The following MGAT4C variants were observed in gnomAD, a reference collection of about 807,000 sequenced individuals.
The protein encoded by MGAT4C is alpha-1,3-mannosyl-glycoprotein 4-beta-N-acetylglucosaminyltransferase C.
In MGAT4C, 19 loss-of-function variants were observed where a neutral mutation model predicts 40.1. The observed-to-expected ratio is 0.47, with a 90% CI of 0.33 to 0.70. The LOEUF is 0.70. Ranked by LOEUF, MGAT4C falls within the 30% of genes least tolerant of loss-of-function variation. The pLI is 0.02. For synonymous variants in MGAT4C, 181 were observed against 187.1 expected (o/e 0.97, Z 0.27); for missense variants, 491 against 563.2 (o/e 0.87, Z 1.30).
In MGAT4C at chr12:86,714,774, AAAGGAAGGAAGG is replaced by A. The variant is rs71445060; in HGVS notation, c.-229+12423_-229+12434del. Among the ~76,000 whole-genome samples the A allele has an allele frequency of 7.3e-3, 1,031 of 141,494 alleles. 12 individuals carry two copies. The highest frequency in any genetic ancestry group is 0.025 in the African/African-American group (938 of 37,838). The allele number at this position is 141,494 out of a possible 152,430, so 92.8% of individuals were successfully genotyped here. A position where few individuals can be genotyped will look rare whatever the true frequency, so the allele number is the denominator to read the frequency against. On this transcript the variant is annotated intron_variant, in intron 2 of 7. Coordinates refer to the MGAT4C transcript ENST00000548651. ...GAGTGAGGAAAGAGGTGGAAGGGAA[AAAGGAAGGAAGG>A]AAGGAAGGAAGGAAGGAAGGAAGGA...
At chr12:86,484,477 C>T (rs1957985066) in intron 2 of MGAT4C, among the ~76,000 whole-genome samples, 1 of 152,210 alleles carries the variant, frequency 6.6e-6, no homozygotes, top group Admixed American at 6.5e-5. Flanking sequence ...CCTGCAGTCC[C>T]ACCTGAGTAC....
intron 2 of MGAT4C, among the ~76,000 whole-genome samples, chr12:86,537,010 C>A (rs1218619091): frequency 2.0e-5 from 3 of 152,148 alleles, no homozygotes; most frequent in Non-Finnish European, 4.4e-5. Flanking sequence ...AAATGTGGCA[C>A]ATATACAACA....
intron 3 of MGAT4C, among the ~76,000 whole-genome samples, chr12:86,382,928 T>G (rs1303238630): frequency 6.6e-6 from 1 of 152,206 alleles, no homozygotes; most frequent in Non-Finnish European, 1.5e-5. Flanking sequence ...AAAGCCCTCA[T>G]GGAGAATCTC....
At chr12:86,731,799 T>C (rs1431015251) in intron 1 of MGAT4C, among the ~76,000 whole-genome samples, 7 of 152,148 alleles carry the variant, frequency 4.6e-5, no homozygotes, top group Admixed American at 4.6e-4. Flanking sequence ...CTTTAAACTG[T>C]AGTATTGCAT....
chr12:86,073,773 TTTG>T (rs1869086001), intron 1 of MGAT4C, among the ~76,000 whole-genome samples: 1 of 152,172 alleles, frequency 6.6e-6, no homozygotes, highest in Non-Finnish European at 1.5e-5. Flanking sequence ...CTAGCTTGCT[TTTG>T]ATATTACAGG....
intron 1 of MGAT4C, among the ~76,000 whole-genome samples, chr12:86,089,496 G>A (rs987665726): frequency 6.6e-6 from 1 of 151,590 alleles, no homozygotes; most frequent in African/African-American, 2.4e-5. Flanking sequence ...TATCCCACTG[G>A]TTGAATTGTC....
intron 4 of MGAT4C, among the ~76,000 whole-genome samples, chr12:86,325,374 C>A (rs190471461): frequency 6.6e-6 from 1 of 152,094 alleles, no homozygotes; most frequent in Admixed American, 6.6e-5. Context: ...TAGAGCTACA[C>A]TATGTAGAGT....
At chr12:86,297,866 TTAAATA>T (rs1953717878) in intron 4 of MGAT4C, among the ~76,000 whole-genome samples, 1 of 152,112 alleles carries the variant, frequency 6.6e-6, no homozygotes, top group Admixed American at 6.5e-5. Flanking sequence ...GAGAGGTCAT[TTAAATA>T]TGAGAGCTTG....
chr12:86,722,282 G>T (rs1291562069), intron 2 of MGAT4C, among the ~76,000 whole-genome samples: 1 of 152,124 alleles, frequency 6.6e-6, no homozygotes, highest in Non-Finnish European at 1.5e-5. Context: ...CTCTGAGCAT[G>T]CATCTTTTCC....
chr12:86,219,129 G>A (rs1283753866), intron 1 of MGAT4C, among the ~76,000 whole-genome samples: 8 of 151,986 alleles, frequency 5.3e-5, no homozygotes, highest in African/African-American at 7.2e-5. Flanking sequence ...GCAGTGAGCC[G>A]AGATTGCACC....
chr12:86,192,208 G>A, intron 1 of MGAT4C, among the ~76,000 whole-genome samples: 1 of 151,892 alleles, frequency 6.6e-6, no homozygotes, highest in Non-Finnish European at 1.5e-5. Context: ...AAACCTGCAT[G>A]TTGTGCACAT....
intron 3 of MGAT4C, among the ~76,000 whole-genome samples, chr12:86,349,787 AC>A (rs1204877820): frequency 2.6e-5 from 4 of 152,142 alleles, no homozygotes; most frequent in African/African-American, 9.6e-5. Context: ...TGGACTTGCT[AC>A]ATATCTACTG....
At chr12:86,573,146 A>G (rs2136424209) in intron 2 of MGAT4C, among the ~76,000 whole-genome samples, 1 of 152,128 alleles carries the variant, frequency 6.6e-6, no homozygotes, top group African/African-American at 2.4e-5. Flanking sequence ...CACTTGTCAG[A>G]TTGTTGAAAT....
intron 4 of MGAT4C, among the ~76,000 whole-genome samples, chr12:86,280,698 C>CTT (rs34560267): frequency 6.9e-6 from 1 of 145,732 alleles, no homozygotes; most frequent in Non-Finnish European, 1.5e-5. Flanking sequence ...AATTTCTATC[C>CTT]TTTTTTTTTT....
intron 4 of MGAT4C, among the ~76,000 whole-genome samples, chr12:86,292,271 A>G (rs1209618899): frequency 6.6e-6 from 1 of 152,026 alleles, no homozygotes; most frequent in Non-Finnish European, 1.5e-5. Flanking sequence ...ATAATTTTAT[A>G]ATGAACTATT....
chr12:86,565,288 G>GGTCCC (rs1216871034), intron 2 of MGAT4C, among the ~76,000 whole-genome samples: 21 of 152,254 alleles, frequency 1.4e-4, no homozygotes, highest in African/African-American at 4.1e-4. Context: ...AAATGCCCAT[G>GGTCCC]GTCCCCACTC....
At chr12:86,250,966 A>T (rs2452808) in intron 1 of MGAT4C, among the ~76,000 whole-genome samples, 5 of 151,766 alleles carry the variant, frequency 3.3e-5, no homozygotes, top group African/African-American at 1.2e-4. Context: ...AAAGACACAG[A>T]CACATAATAC....
chr12:86,064,058 C>T (rs1894262591), intron 1 of MGAT4C, among the ~76,000 whole-genome samples: 1 of 152,204 alleles, frequency 6.6e-6, no homozygotes, highest in African/African-American at 2.4e-5. Flanking sequence ...TGCTAATATA[C>T]ATCTACAGAA....
chr12:86,335,682 T>G (rs1000179802), intron 3 of MGAT4C, among the ~76,000 whole-genome samples: 5 of 152,128 alleles, frequency 3.3e-5, no homozygotes, highest in African/African-American at 1.2e-4. Context: ...ATACTGTTAT[T>G]TAAAGCCCAC....
Sources: gnomAD v4.1 joint callset for allele counts (sites outside exome capture counted in the v4.1 genomes callset) on GRCh38, gnomAD v4.1.1 for gene constraint, MANE v1.5 for transcripts, NCBI Gene and HGNC (gene_info 2026-07-23, HGNC 2026-07-21) for gene names.